The following XKR6 variants were observed in gnomAD, a reference collection of about 807,000 sequenced individuals.
XKR6 encodes XK related 6.
In XKR6, 22 loss-of-function variants were observed where a neutral mutation model predicts 56.7. The ratio of observed to expected loss-of-function variants is 0.39; its 90% CI spans 0.28 to 0.55. The LOEUF (loss-of-function observed/expected upper bound fraction) is 0.55, where lower values mean the gene tolerates loss of function less well. Ranked by LOEUF, XKR6 falls within the 20% of genes least tolerant of loss-of-function variation. The pLI, the probability that XKR6 is intolerant of heterozygous loss-of-function variation, is 0.66. For missense variants in XKR6, 852 were observed against 889.0 expected, an observed-to-expected ratio of 0.96 and a Z score of 0.53; for synonymous variants, 524 against 387.8, an observed-to-expected ratio of 1.35 and a Z score of -4.13.
In XKR6 at chr8:10,905,195, G is replaced by A. The variant is rs545016308; in HGVS notation, c.962-6279C>T. On this transcript the variant is annotated intron_variant, in intron 2 of 2. Coordinates refer to ENST00000416569, the MANE Select transcript of XKR6 (RefSeq NM_173683.4). ...TTGTCTCATCTTCTCCAAGCTTCCC[G>A]AAGGCAGGCCACTTGCCCTCCTCAC... Among the ~76,000 whole-genome samples the A allele has an allele frequency of 1.6e-4, 25 of 152,184 alleles. No individual in the cohort carries two copies. In the East Asian group the frequency reaches 2.9e-3, roughly 18 times the overall value.
intron 1 of XKR6, among the ~76,000 whole-genome samples, chr8:11,112,332 A>G (rs1260644398): frequency 6.6e-6 from 1 of 152,180 alleles, no homozygotes; most frequent in East Asian, 1.9e-4. Context: ...TTGTGCTTCT[A>G]TTACATTAAC....
rs1303530564 is a variant in XKR6 at position 11,054,626 on chromosome 8, C to T, written c.765-129796G>A. On this transcript the variant is annotated intron_variant, in intron 1 of 2. Transcript: ENST00000416569. ...ATGCTCCGGGAGGGACCTGCAGTCA[C>T]TTCTCCTTCCTGCCAGCCCTTTAGG... Among the ~76,000 whole-genome samples the T allele has an allele frequency of 2.0e-5, 3 of 152,378 alleles. No homozygotes were observed. The East Asian group carries it at 5.8e-4, about 29-fold the overall frequency.
intron 1 of XKR6, among the ~76,000 whole-genome samples, chr8:11,182,056 GGCATGA>G (rs1803015687): frequency 6.6e-6 from 1 of 152,228 alleles, no homozygotes; most frequent in South Asian, 2.1e-4. Context: ...TGGGATTACA[GGCATGA>G]GCCACCACGC....
intron 1 of XKR6, among the ~76,000 whole-genome samples, chr8:11,051,950 C>T (rs78403616): frequency 0.012 from 1,776 of 152,288 alleles, 30 homozygotes; most frequent in African/African-American, 0.041. Context: ...GCCACGGTGG[C>T]GTGTTGCACA....
rs1173895371 is a variant in XKR6 at position 11,093,281 on chromosome 8, C to G, written c.764+107295G>C. On this transcript the variant is annotated intron_variant, in intron 1 of 2. Transcript: ENST00000416569. ...TGTTGACCAGGCTAGTGTCGAACTC[C>G]TGACCTCGGGTGATCCGCCCACCTC... Among the ~76,000 whole-genome samples the G allele has an allele frequency of 2.0e-5, 3 of 152,220 alleles. 1 individual carries two copies. The highest frequency in any genetic ancestry group is 4.4e-5 in the Non-Finnish European group (3 of 68,040).
At chr8:10,968,781 TAGA>T (rs1802309174) in intron 1 of XKR6, among the ~76,000 whole-genome samples, 1 of 151,802 alleles carries the variant, frequency 6.6e-6, no homozygotes, top group Non-Finnish European at 1.5e-5. Flanking sequence ...AAGAGGAAAA[TAGA>T]AGGAGGAAAA....
intron 1 of XKR6, among the ~76,000 whole-genome samples, chr8:10,966,157 G>A (rs763883710): frequency 3.3e-5 from 5 of 152,182 alleles, no homozygotes; most frequent in Non-Finnish European, 7.3e-5. Flanking sequence ...CGGACTACTT[G>A]AGTGGGAGGA....
intron 1 of XKR6, among the ~76,000 whole-genome samples, chr8:11,174,194 T>G (rs755702090): frequency 1.3e-5 from 2 of 152,354 alleles, no homozygotes; most frequent in South Asian, 4.1e-4. Context: ...TCTCAGTGAA[T>G]GAAAATGAGA....
intron 1 of XKR6, among the ~76,000 whole-genome samples, chr8:11,199,499 C>A (rs886331140): frequency 7.2e-5 from 11 of 152,210 alleles, no homozygotes; most frequent in African/African-American, 2.7e-4. Context: ...CTCACAGAAG[C>A]CATGCACTTG....
intron 2 of XKR6, 121 bp from the exon 3 acceptor site, chr8:10,899,037 AAC>A (rs1220458702): frequency 2.3e-5 from 33 of 1,435,532 alleles, no homozygotes; most frequent in Non-Finnish European, 3.0e-5. Flanking sequence ...GGGAGAAAGA[AAC>A]ACAGAATCAG....
At chr8:11,059,594 G>T (rs1054438308) in intron 1 of XKR6, among the ~76,000 whole-genome samples, 56 of 151,860 alleles carry the variant, frequency 3.7e-4, no homozygotes, top group African/African-American at 1.3e-3. Flanking sequence ...GGCGGTGCCA[G>T]TGGAGGAGGA....
intron 2 of XKR6, among the ~76,000 whole-genome samples, chr8:10,906,488 A>T (rs1211328541): frequency 6.6e-6 from 1 of 152,248 alleles, no homozygotes; most frequent in Non-Finnish European, 1.5e-5. Flanking sequence ...AAAAAAAGCA[A>T]TCTTCTTTTA....
chr8:10,943,093 A>G (rs944467297), intron 1 of XKR6, among the ~76,000 whole-genome samples: 1 of 152,284 alleles, frequency 6.6e-6, no homozygotes, highest in East Asian at 1.9e-4. Flanking sequence ...CCTGCCTGCC[A>G]TTCACTCTGC....
chr8:11,195,630 T>G (rs1245708989), intron 1 of XKR6, among the ~76,000 whole-genome samples: 1 of 151,654 alleles, frequency 6.6e-6, no homozygotes, highest in African/African-American at 2.4e-5. Flanking sequence ...AACTTTCCCC[T>G]CAGAAAAATC....
rs536490737 is a variant in XKR6 at position 10,945,083 on chromosome 8, G to A, written c.765-20253C>T. Among the ~76,000 whole-genome samples the A allele has an allele frequency of 1.8e-4, 28 of 152,234 alleles. No homozygotes were observed. In the South Asian group the frequency reaches 5.8e-3, roughly 32 times the overall value. Reference sequence around the variant, plus strand: ...CCAGGGCTCGGGAGAGCATTGCCTGGGTGAAACTGGCTCCACCCCACGCCA... The same window carrying A: ...CCAGGGCTCGGGAGAGCATTGCCTGAGTGAAACTGGCTCCACCCCACGCCA... On this transcript the variant is annotated intron_variant, in intron 1 of 2. Coordinates refer to ENST00000416569, the MANE Select transcript of XKR6 (RefSeq NM_173683.4).
intron 1 of XKR6, among the ~76,000 whole-genome samples, chr8:11,113,243 G>C (rs1159882343): frequency 6.6e-6 from 1 of 152,286 alleles, no homozygotes. Flanking sequence ...GTGTGAATCT[G>C]AACTCCAAGC....
intron 2 of XKR6, among the ~76,000 whole-genome samples, chr8:10,903,901 G>A (rs950245945): frequency 6.6e-6 from 1 of 152,178 alleles, no homozygotes; most frequent in African/African-American, 2.4e-5. Context: ...CAGAAGGAGT[G>A]AGTACAGGTT....
chr8:11,046,223 AC>A (rs1368556261), intron 1 of XKR6, among the ~76,000 whole-genome samples: 2 of 152,002 alleles, frequency 1.3e-5, no homozygotes, highest in Non-Finnish European at 2.9e-5. Flanking sequence ...ATATGGTGAA[AC>A]CCCCGTCTCT....
At chr8:11,165,267 T>C (rs1802014324) in intron 1 of XKR6, among the ~76,000 whole-genome samples, 1 of 151,854 alleles carries the variant, frequency 6.6e-6, no homozygotes, top group Non-Finnish European at 1.5e-5. Context: ...ACCTAGCTAA[T>C]TTTTGTATTT....
Sources: gnomAD v4.1 joint callset for allele counts (sites outside exome capture counted in the v4.1 genomes callset) on GRCh38, gnomAD v4.1.1 for gene constraint, MANE v1.5 for transcripts, NCBI Gene and HGNC (gene_info 2026-07-23, HGNC 2026-07-21) for gene names.